ATXN7: variants seen among roughly 807,000 people sequenced by gnomAD.
ATXN7 encodes the protein ataxin-7.
In ATXN7, 12 loss-of-function variants were observed where a neutral mutation model predicts 70.5. The ratio of observed to expected loss-of-function variants is 0.17; its 90% CI spans 0.11 to 0.28. The LOEUF is 0.28. Among genes scored for constraint, ATXN7 ranks in the 10% least tolerant of loss-of-function variants. The pLI, the probability that ATXN7 is intolerant of heterozygous loss-of-function variation, is 1.00. For synonymous variants in ATXN7, 498 were observed against 448.7 expected (o/e 1.11, Z -1.39); for missense variants, 1,256 against 1,131.7 (o/e 1.11, Z -1.58).
chr3:63,977,999 C>A (rs1002622066), intron 5 of ATXN7, among the ~76,000 whole-genome samples: 1 of 152,178 alleles, frequency 6.6e-6, no homozygotes, highest in African/African-American at 2.4e-5. Context: ...ATTTGACAAA[C>A]CCTTTAGTGC....
chr3:63,988,212 G>T lies in ATXN7; in HGVS notation c.1249G>T (p.Ala417Ser). 1 of 1,613,872 alleles carries T rather than the reference G, an allele frequency of 6.2e-7. No homozygotes were observed. The highest frequency in any genetic ancestry group is 8.5e-7 in the Non-Finnish European group (1 of 1,179,942). ...PPQPLRDPHP[A>S]PPRTSQEPHQ... ...GCAGCCTCTCAGGGACCCGCATCCC[G>T]CCCCTCCTAGAACGTCACAGGAGCC... The change falls in exon 9 of 13, where the codon GCC becomes TCC. Residue 417 changes from alanine (A) to serine (S), a missense_variant. Transcript: ENST00000674280.
intron 1 of ATXN7, among the ~76,000 whole-genome samples, chr3:63,892,625 AATGCCAGAGCAGCTC>A (rs1158112570): frequency 6.6e-6 from 1 of 152,144 alleles, no homozygotes; most frequent in Non-Finnish European, 1.5e-5. Flanking sequence ...AGTGAAGGTA[AATGCCAGAGCAGCTC>A]TTTATTCCAC....
intron 4 of ATXN7, among the ~76,000 whole-genome samples, chr3:63,945,023 C>T (rs545775049): frequency 2.6e-5 from 4 of 152,180 alleles, no homozygotes; most frequent in African/African-American, 7.2e-5. Flanking sequence ...AACTCCTGAC[C>T]TTAAGTGATC....
chr3:63,868,616 G>A (rs1702504936), intron 1 of ATXN7, among the ~76,000 whole-genome samples: 1 of 152,092 alleles, frequency 6.6e-6, no homozygotes, highest in Non-Finnish European at 1.5e-5. Context: ...GATATTTAGA[G>A]GAAAGTGGAA....
chr3:63,967,818 A>G (rs2075251096), intron 5 of ATXN7: 2 of 1,517,712 alleles, frequency 1.3e-6, no homozygotes, highest in African/African-American at 1.4e-5. Flanking sequence ...CATAAGCCCA[A>G]ACATGGAGCA....
intron 7 of ATXN7, 134 bp from the exon 8 acceptor site, chr3:63,982,805 T>C (rs2075512537): frequency 1.4e-6 from 1 of 716,658 alleles, no homozygotes; most frequent in Non-Finnish European, 2.4e-6. Flanking sequence ...TTGTATATTT[T>C]TTATTTTATT....
intron 1 of ATXN7, among the ~76,000 whole-genome samples, chr3:63,888,031 T>C (rs1703140548): frequency 1.3e-5 from 2 of 152,302 alleles, no homozygotes; most frequent in South Asian, 4.1e-4. Flanking sequence ...TTACTGACAG[T>C]GTTATGAACA....
chr3:63,915,977 A>T (rs1381714552), intron 4 of ATXN7, among the ~76,000 whole-genome samples: 1 of 151,948 alleles, frequency 6.6e-6, no homozygotes, highest in Non-Finnish European at 1.5e-5. Context: ...ATGAACCACC[A>T]CCCCCGCCAG....
At position 63,988,251 on chromosome 3, in the gene ATXN7, C is replaced by T. The variant is rs772995540; in HGVS notation, c.1288C>T (p.His430Tyr). The T allele has an allele frequency of 5.6e-6, 9 of 1,614,024 alleles. No individual in the cohort carries two copies. The African/African-American group carries it at 1.1e-4, about 19-fold the overall frequency. Residue 430 changes from histidine to tyrosine, a missense_variant, in exon 9 of 13, where the codon CAC becomes TAC. His to Tyr is a moderately conservative substitution (Grantham distance 83). Transcript: ENST00000674280. ...GTCACAGGAGCCGCACCAAAACCCT[C>T]ACGGAGTGATTCCTTCCGAATCAAA... is the stretch of plus-strand genomic sequence containing the variant. ...RTSQEPHQNP[H>Y]GVIPSESKPF...
At chr3:63,907,291 A>C (rs1441793393) in intron 2 of ATXN7, among the ~76,000 whole-genome samples, 3 of 152,154 alleles carry the variant, frequency 2.0e-5, no homozygotes, top group Non-Finnish European at 4.4e-5. Flanking sequence ...CTGAGCCCCC[A>C]AAAATGGTGA....
At chr3:63,869,806 C>T (rs1186881512) in intron 1 of ATXN7, among the ~76,000 whole-genome samples, 1 of 152,202 alleles carries the variant, frequency 6.6e-6, no homozygotes, top group Non-Finnish European at 1.5e-5. Context: ...ATCTTACTTT[C>T]AACTCAGAAA....
intron 5 of ATXN7, among the ~76,000 whole-genome samples, chr3:63,959,172 C>G (rs1038258695): frequency 6.6e-6 from 1 of 152,200 alleles, no homozygotes; most frequent in Non-Finnish European, 1.5e-5. Context: ...CTATCTAAAG[C>G]CAAACTCCTC....
At chr3:63,887,323 C>G (rs1703118987) in intron 1 of ATXN7, among the ~76,000 whole-genome samples, 1 of 152,158 alleles carries the variant, frequency 6.6e-6, no homozygotes, top group Non-Finnish European at 1.5e-5. Flanking sequence ...TTCTTTTTGT[C>G]TCTTATTTAT....
chr3:63,863,908 G>GCGC lies in ATXN7; in HGVS notation c.-359_-357dup, dbSNP rs1702314049. 1 of 1,062,884 alleles carries GCGC rather than the reference G, an allele frequency of 9.4e-7. No homozygotes were observed. Among genetic ancestry groups the GCGC allele is most frequent in the Non-Finnish European group, 1.1e-6 (1 of 875,968 alleles). The allele number at this position is 1,062,884 out of a possible 1,614,324, so 65.8% of individuals were successfully genotyped here. A position where few individuals can be genotyped will look rare whatever the true frequency, so the allele number is the denominator to read the frequency against. On this transcript the variant is annotated 5_prime_UTR_variant, in exon 1 of 13. Coordinates refer to ENST00000674280, the MANE Select transcript of ATXN7 (RefSeq NM_001377405.1). ...AACAGCCATGGAGGAGGAGGCGGCG[G>GCGC]CGCCCGCGGCCGCCTGCTCCGACGC...
chr3:63,901,447 T>C (rs933809017), intron 2 of ATXN7: 2 of 152,208 alleles, frequency 1.3e-5, no homozygotes, highest in African/African-American at 4.8e-5. Flanking sequence ...ACCATTCTAT[T>C]CTCTACTTCT....
At chr3:63,994,120 C>T (rs536502086) in intron 11 of ATXN7, among the ~76,000 whole-genome samples, 1 of 152,278 alleles carries the variant, frequency 6.6e-6, no homozygotes, top group South Asian at 2.1e-4. Flanking sequence ...CTGGTGTAAT[C>T]GTTATGGATG....
chr3:63,961,187 C>G (rs1244734243), intron 5 of ATXN7, among the ~76,000 whole-genome samples: 1 of 151,846 alleles, frequency 6.6e-6, no homozygotes, highest in Non-Finnish European at 1.5e-5. Flanking sequence ...TATTTTTTCC[C>G]CTCACATAAA....
chr3:63,901,477 A>AT (rs1447407048), intron 2 of ATXN7: 1 of 152,172 alleles, frequency 6.6e-6, no homozygotes, highest in East Asian at 1.9e-4. Flanking sequence ...ACTTTTTAAG[A>AT]TTCCACATAT....
chr3:63,873,634 A>G (rs1288802700), intron 1 of ATXN7: 2 of 152,210 alleles, frequency 1.3e-5, no homozygotes, highest in Non-Finnish European at 2.9e-5. Context: ...TAGACATTGT[A>G]TCACATATAA....
Sources: gnomAD v4.1 joint callset for allele counts (sites outside exome capture counted in the v4.1 genomes callset) on GRCh38, gnomAD v4.1.1 for gene constraint, MANE v1.5 for transcripts, NCBI Gene and HGNC (gene_info 2026-07-23, HGNC 2026-07-21) for gene names.